Variants in ZBTB7C observed in about 807,000 individuals in gnomAD.
ZBTB7C encodes the protein zinc finger and BTB domain-containing protein 7C.
A neutral mutation model predicts 25.7 loss-of-function variants in ZBTB7C; 8 were observed. That is an observed-to-expected ratio of 0.31 (90% CI 0.18 to 0.56). The LOEUF is 0.56. ZBTB7C is among the 20% of genes least tolerant of loss of function. The pLI, the probability that ZBTB7C is intolerant of heterozygous loss-of-function variation, is 0.91. For synonymous variants in ZBTB7C, 394 were observed against 369.0 expected (o/e 1.07, Z -0.78); for missense variants, 824 against 855.2 (o/e 0.96, Z 0.46).
chr18:48,081,307 G>C (rs550120159), intron 3 of ZBTB7C, among the ~76,000 whole-genome samples: 2 of 152,234 alleles, frequency 1.3e-5, no homozygotes, highest in South Asian at 2.1e-4. Flanking sequence ...TTGCACTCAG[G>C]TTTTCTGATT....
intron 3 of ZBTB7C, chr18:48,180,389 C>A: frequency 2.2e-6 from 1 of 456,306 alleles, no homozygotes; most frequent in Middle Eastern, 3.3e-4. Context: ...GTGATTACCA[C>A]GGTAATCAGG....
At chr18:48,030,651 T>C (rs930748710) in intron 4 of ZBTB7C, among the ~76,000 whole-genome samples, 5 of 152,114 alleles carry the variant, frequency 3.3e-5, no homozygotes, top group African/African-American at 9.7e-5. Flanking sequence ...CCTGCACCTA[T>C]TGGGGGTCTG....
At chr18:48,191,425 T>G (rs1377878842) in intron 2 of ZBTB7C, among the ~76,000 whole-genome samples, 1 of 152,188 alleles carries the variant, frequency 6.6e-6, no homozygotes, top group Non-Finnish European at 1.5e-5. Flanking sequence ...TACATCCTAT[T>G]TCACAAGGTT....
intron 1 of ZBTB7C, among the ~76,000 whole-genome samples, chr18:48,380,023 C>G (rs1436311053): frequency 6.6e-6 from 1 of 152,050 alleles, no homozygotes; most frequent in East Asian, 1.9e-4. Flanking sequence ...TGTCAAAACC[C>G]ACAGAACTTT....
chr18:48,073,134 C>T (rs1281453917), intron 3 of ZBTB7C, among the ~76,000 whole-genome samples: 7 of 152,192 alleles, frequency 4.6e-5, no homozygotes, highest in Non-Finnish European at 1.0e-4. Context: ...GAGAGGAGAC[C>T]TTGGGCAGCT....
chr18:48,090,518 G>C (rs1384747204), intron 3 of ZBTB7C, among the ~76,000 whole-genome samples: 1 of 152,242 alleles, frequency 6.6e-6, no homozygotes, highest in Non-Finnish European at 1.5e-5. Context: ...TCTCCCTGCT[G>C]TGGGCCTCTA....
intron 2 of ZBTB7C, among the ~76,000 whole-genome samples, chr18:48,330,378 C>A (rs2046316502): frequency 6.6e-6 from 1 of 152,122 alleles, no homozygotes; most frequent in Admixed American, 6.5e-5. Context: ...CTGTTCACAT[C>A]CTGAATAACT....
At chr18:48,043,658 A>G (rs1598766915) in intron 3 of ZBTB7C, among the ~76,000 whole-genome samples, 2 of 152,206 alleles carry the variant, frequency 1.3e-5, no homozygotes, top group Admixed American at 1.3e-4. Context: ...AATGTTCTGC[A>G]TATTGATTAT....
At chr18:48,078,831 T>C (rs144696759) in intron 3 of ZBTB7C, among the ~76,000 whole-genome samples, 1 of 152,342 alleles carries the variant, frequency 6.6e-6, no homozygotes, top group African/African-American at 2.4e-5. Flanking sequence ...CTTCTTTCAC[T>C]AGCATGATGT....
intron 1 of ZBTB7C, among the ~76,000 whole-genome samples, chr18:48,394,866 G>C (rs1043394687): frequency 6.6e-6 from 1 of 152,162 alleles, no homozygotes; most frequent in Admixed American, 6.5e-5. Flanking sequence ...AGAGACTGAA[G>C]ATGTTATAAT....
chr18:48,364,999 A>T (rs1036237068), intron 1 of ZBTB7C, among the ~76,000 whole-genome samples: 2 of 152,224 alleles, frequency 1.3e-5, no homozygotes, highest in African/African-American at 4.8e-5. Context: ...TGCATTCTCA[A>T]CAAGTTCCCA....
intron 2 of ZBTB7C, among the ~76,000 whole-genome samples, chr18:48,330,476 C>A (rs1469477934): frequency 6.6e-6 from 1 of 152,060 alleles, no homozygotes. Context: ...TGCCTCAGAT[C>A]CCCTCACCTC....
chr18:48,353,674 G>A (rs904599859), intron 1 of ZBTB7C, among the ~76,000 whole-genome samples: 1 of 152,198 alleles, frequency 6.6e-6, no homozygotes, highest in Non-Finnish European at 1.5e-5. Context: ...TCTGGGGGTG[G>A]CGGGGGCAAT....
At chr18:48,171,310 C>A (rs188994160) in intron 3 of ZBTB7C, among the ~76,000 whole-genome samples, 1 of 152,204 alleles carries the variant, frequency 6.6e-6, no homozygotes, top group African/African-American at 2.4e-5. Flanking sequence ...CATCTCACCC[C>A]CTCCTGGAGA....
chr18:48,043,680 T>C (rs2036352051), intron 3 of ZBTB7C, among the ~76,000 whole-genome samples: 1 of 152,200 alleles, frequency 6.6e-6, no homozygotes, highest in Admixed American at 6.5e-5. Context: ...CCAGTGTTCA[T>C]ATCCTGGTTG....
chr18:48,390,814 C>T (rs62086551), intron 1 of ZBTB7C, among the ~76,000 whole-genome samples: 24,545 of 152,254 alleles, frequency 0.16, 2,565 homozygotes, highest in Non-Finnish European at 0.24. Flanking sequence ...GCCTGGTCCC[C>T]GTGGCGGCTG....
At chr18:48,123,821 G>A (rs527328179) in intron 3 of ZBTB7C, among the ~76,000 whole-genome samples, 23 of 152,194 alleles carry the variant, frequency 1.5e-4, no homozygotes, top group South Asian at 1.0e-3. Flanking sequence ...AGAAATGATC[G>A]TGTATATTTT....
intron 2 of ZBTB7C, among the ~76,000 whole-genome samples, chr18:48,335,717 G>A (rs1423769380): frequency 6.6e-6 from 1 of 152,190 alleles, no homozygotes; most frequent in Non-Finnish European, 1.5e-5. Flanking sequence ...TCCAAACTGA[G>A]ACGGTGCTAC....
chr18:48,113,802 C>T (rs1470625443), intron 3 of ZBTB7C, among the ~76,000 whole-genome samples: 1 of 152,230 alleles, frequency 6.6e-6, no homozygotes. Flanking sequence ...CTGTGCGAGG[C>T]GTACGCCTGT....
Sources: gnomAD v4.1 joint callset for allele counts (sites outside exome capture counted in the v4.1 genomes callset) on GRCh38, gnomAD v4.1.1 for gene constraint, MANE v1.5 for transcripts, NCBI Gene and HGNC (gene_info 2026-07-23, HGNC 2026-07-21) for gene names.